Variants in BBS9 observed in about 807,000 individuals in gnomAD.
The protein encoded by BBS9 is Bardet-Biedl syndrome 9.
Under a neutral mutation model 117.7 loss-of-function variants are expected in BBS9, and 89 were observed. The observed-to-expected ratio is 0.76, with a 90% confidence interval of 0.64 to 0.90. BBS9 has a LOEUF of 0.90. Ranked by LOEUF, BBS9 falls within the 40% of genes least tolerant of loss-of-function variation. The pLI is 0.00. For missense variants in BBS9, 982 were observed against 1,042.2 expected, an observed-to-expected ratio of 0.94 and a Z score of 0.80; for synonymous variants, 379 against 370.9, an observed-to-expected ratio of 1.02 and a Z score of -0.25.
intron 9 of BBS9, among the ~76,000 whole-genome samples, chr7:33,318,730 C>G (rs1026148563): frequency 2.6e-5 from 4 of 152,052 alleles, no homozygotes; most frequent in Non-Finnish European, 5.9e-5. Context: ...TCCCTCACCC[C>G]CCTTCCTCTC....
chr7:33,232,040 A>C (rs544603577), intron 5 of BBS9, among the ~76,000 whole-genome samples: 2 of 152,272 alleles, frequency 1.3e-5, no homozygotes, highest in South Asian at 4.1e-4. Flanking sequence ...CTGCATTGCA[A>C]GTATAACTTA....
chr7:33,296,739 T>G (rs1805352281), intron 9 of BBS9, among the ~76,000 whole-genome samples: 1 of 152,174 alleles, frequency 6.6e-6, no homozygotes, highest in Non-Finnish European at 1.5e-5. Flanking sequence ...TCTTGGTATG[T>G]GAAGATTAAA....
chr7:33,581,466 G>A (rs975661097), intron 21 of BBS9, among the ~76,000 whole-genome samples: 2 of 152,030 alleles, frequency 1.3e-5, no homozygotes, highest in African/African-American at 4.8e-5. Context: ...ATCTCTGCTT[G>A]ACAAATAGAC....
chr7:33,184,097 CAGAGAG>C (rs35333434), intron 5 of BBS9, among the ~76,000 whole-genome samples: 18 of 149,554 alleles, frequency 1.2e-4, no homozygotes, highest in South Asian at 4.3e-4. Flanking sequence ...AGTTTGCACA[CAGAGAG>C]AGAGAGAGAG....
intron 19 of BBS9, among the ~76,000 whole-genome samples, chr7:33,407,512 GCTTTTT>G (rs1247933099): frequency 1.2e-4 from 18 of 152,132 alleles, no homozygotes; most frequent in African/African-American, 4.1e-4. Context: ...GAGGCGCTCT[GCTTTTT>G]AGAGTTTCCA....
At chr7:33,340,800 T>G (rs1816355278) in intron 10 of BBS9, 97 bp from the exon 11 acceptor site, 3 of 959,212 alleles carry the variant, frequency 3.1e-6, no homozygotes, top group Admixed American at 2.5e-5. Context: ...GTTTATGGGG[T>G]TTTTTTTATA....
intron 19 of BBS9, among the ~76,000 whole-genome samples, chr7:33,484,430 C>T (rs1365938730): frequency 6.6e-6 from 1 of 152,102 alleles, no homozygotes; most frequent in Non-Finnish European, 1.5e-5. Context: ...AGAAACAGAA[C>T]ACATACTTAT....
chr7:33,574,723 ACACGCG>A (rs1470558196), intron 21 of BBS9, among the ~76,000 whole-genome samples: 20 of 147,570 alleles, frequency 1.4e-4, no homozygotes, highest in South Asian at 6.6e-4. Flanking sequence ...ACACACACAC[ACACGCG>A]CACACACACA....
At chr7:33,271,489 C>A (rs941484245) in intron 7 of BBS9, among the ~76,000 whole-genome samples, 18 of 152,118 alleles carry the variant, frequency 1.2e-4, no homozygotes, top group African/African-American at 4.3e-4. Flanking sequence ...ATGCTGTACA[C>A]CTGTAGGCTC....
intron 9 of BBS9, among the ~76,000 whole-genome samples, chr7:33,313,042 T>G (rs1425313388): frequency 6.8e-6 from 1 of 147,636 alleles, no homozygotes; most frequent in Admixed American, 6.6e-5. Context: ...CTGTGGTGTG[T>G]GTGTGTGTGT....
In BBS9 at chr7:33,419,923, T is replaced by TG. The variant is rs111705966; in HGVS notation, c.2115+31784dup. ...AAAGAAAACAAAAAATTGGTGGTGG[T>TG]GGGGGCAGATGGTGGAAGAAAGATA... On this transcript the variant is annotated intron_variant, in intron 19 of 22. Transcript: ENST00000242067. 1.0e-3 allele frequency among the ~76,000 whole-genome samples: 153 copies of TG among 152,156 alleles called. 2 individuals are homozygous for TG. Among genetic ancestry groups the TG allele is most frequent in the Middle Eastern group, 3.4e-3 (1 of 294 alleles).
chr7:33,563,962 A>G (rs1374739207), intron 21 of BBS9, among the ~76,000 whole-genome samples: 2 of 152,188 alleles, frequency 1.3e-5, no homozygotes, highest in Non-Finnish European at 2.9e-5. Context: ...ATAAGACCAC[A>G]TACTTACTGG....
chr7:33,423,217 C>T (rs1220420544), intron 19 of BBS9, among the ~76,000 whole-genome samples: 1 of 152,138 alleles, frequency 6.6e-6, no homozygotes, highest in Non-Finnish European at 1.5e-5. Context: ...ACCACAAAAG[C>T]ACAAGTGCGG....
intron 17 of BBS9, among the ~76,000 whole-genome samples, chr7:33,372,622 G>C (rs935442844): frequency 5.3e-5 from 8 of 151,980 alleles, no homozygotes; most frequent in South Asian, 2.1e-4. Flanking sequence ...TTCTTCTTTT[G>C]TTATGTCCTT....
At chr7:33,509,793 T>A (rs957485950) in intron 20 of BBS9, among the ~76,000 whole-genome samples, 1 of 152,200 alleles carries the variant, frequency 6.6e-6, no homozygotes, top group South Asian at 2.1e-4. Context: ...AGGTTCACAA[T>A]GCAAAAATAT....
chr7:33,167,498 G>A (rs186401455), intron 4 of BBS9, among the ~76,000 whole-genome samples: 36 of 151,786 alleles, frequency 2.4e-4, no homozygotes, highest in East Asian at 7.8e-4. Context: ...TGCCTCCCGG[G>A]TTCAAGCGAC....
intron 7 of BBS9, among the ~76,000 whole-genome samples, chr7:33,267,764 A>G (rs2128334048): frequency 6.6e-6 from 1 of 152,324 alleles, no homozygotes. Flanking sequence ...AAATGACAAG[A>G]AAAATATGTA....
chr7:33,386,828 GGTTACA>G (rs1296135741), intron 18 of BBS9, among the ~76,000 whole-genome samples: 2 of 152,042 alleles, frequency 1.3e-5, no homozygotes, highest in Non-Finnish European at 2.9e-5. Context: ...AAATGAGATG[GGTTACA>G]GTGAAGAGAG....
At chr7:33,146,442 T>C in intron 2 of BBS9, 78 bp downstream of exon 2, 1 of 1,194,470 alleles carries the variant, frequency 8.4e-7, no homozygotes, top group South Asian at 1.2e-5. Context: ...GGCCGACTGC[T>C]GTAATCTCAG....
Sources: allele counts gnomAD v4.1 joint callset (sites outside exome capture counted in the v4.1 genomes callset), GRCh38; gene constraint gnomAD v4.1.1; transcripts MANE v1.5; gene names NCBI Gene and HGNC (gene_info 2026-07-23, HGNC 2026-07-21).